SLC4A4: variants seen among roughly 807,000 people sequenced by gnomAD.
The protein encoded by SLC4A4 is solute carrier family 4 member 4.
SLC4A4 carries 27 observed loss-of-function variants against 111.5 expected under a neutral mutation model. The ratio of observed to expected loss-of-function variants is 0.24; its 90% CI spans 0.18 to 0.33. The LOEUF (loss-of-function observed/expected upper bound fraction) is 0.33. Ranked by LOEUF, SLC4A4 falls within the 10% of genes least tolerant of loss-of-function variation. SLC4A4 has a pLI of 1.00. For missense variants in SLC4A4, 909 were observed against 1,315.5 expected (o/e 0.69, Z 4.78); for synonymous variants, 443 against 463.4 (o/e 0.96, Z 0.57).
At chr4:71,213,512 G>A (rs993867963) in intron 1 of SLC4A4, among the ~76,000 whole-genome samples, 2 of 152,104 alleles carry the variant, frequency 1.3e-5, no homozygotes, top group African/African-American at 4.8e-5. Context: ...CATACTAATT[G>A]CTCTTTATTA....
chr4:71,362,470 AT>A (rs1730882616), intron 6 of SLC4A4, among the ~76,000 whole-genome samples: 1 of 152,232 alleles, frequency 6.6e-6, no homozygotes, highest in African/African-American at 2.4e-5. Context: ...ATGTTAGTAA[AT>A]TTTATACAAT....
intron 1 of SLC4A4, among the ~76,000 whole-genome samples, chr4:71,090,606 T>C (rs931718390): frequency 1.2e-4 from 18 of 152,236 alleles, no homozygotes; most frequent in African/African-American, 4.3e-4. Flanking sequence ...AGTGACTCCA[T>C]CTTCATTCTT....
At chr4:71,409,670 G>A (rs965182357) in intron 7 of SLC4A4, among the ~76,000 whole-genome samples, 3 of 152,206 alleles carry the variant, frequency 2.0e-5, no homozygotes, top group Non-Finnish European at 4.4e-5. Flanking sequence ...CCCATGTTTT[G>A]AGGAGAAATT....
rs571407512 is a variant in SLC4A4, at chr4:71,190,493, G to A, written c.-2+3092G>A. On this transcript the variant is annotated intron_variant, in intron 1 of 25. Coordinates refer to ENST00000264485, the MANE Select transcript of SLC4A4 (RefSeq NM_001098484.3). ...GTCGGAAGCCATATTAACTACTTTC[G>A]TAATACTTCTGTGGCAATGGCTTTT... 4.6e-5 allele frequency among the ~76,000 whole-genome samples: 7 copies of A among 151,424 alleles called. No individual in the cohort carries two copies. In the South Asian group the frequency reaches 1.0e-3, roughly 23 times the overall value.
intron 2 of SLC4A4, among the ~76,000 whole-genome samples, chr4:71,241,904 A>T (rs921173405): frequency 1.1e-4 from 17 of 152,306 alleles, no homozygotes; most frequent in African/African-American, 4.1e-4. Flanking sequence ...CTTTCTCCTC[A>T]TGGCCTCAGC....
At chr4:71,394,227 G>C (rs1051473403) in intron 6 of SLC4A4, among the ~76,000 whole-genome samples, 2 of 151,994 alleles carry the variant, frequency 1.3e-5, no homozygotes, top group Admixed American at 1.3e-4. Flanking sequence ...AACCCACAGA[G>C]TGGGAGAAAC....
In SLC4A4 at chr4:71,376,199, A is replaced by ATG. The variant is rs1389661481; in HGVS notation, c.730+19018_730+19019dup. 8.6e-5 allele frequency among the ~76,000 whole-genome samples: 13 copies of ATG among 150,372 alleles called. No individual in the cohort carries two copies. The East Asian group carries it at 1.8e-3, about 21-fold the overall frequency. ...CACACACACACACACACACATATAT[A>ATG]TGTGTGTATATATATTTTTTGAGAC... is the stretch of plus-strand genomic sequence containing the variant. On this transcript the variant is annotated intron_variant, in intron 6 of 25. Transcript: ENST00000264485.
At chr4:71,564,505 C>T (rs1247220431) in intron 24 of SLC4A4, among the ~76,000 whole-genome samples, 5 of 151,800 alleles carry the variant, frequency 3.3e-5, no homozygotes, top group Non-Finnish European at 2.9e-5. Context: ...CTGGTGACTA[C>T]GGTGCAATGG....
At chr4:71,187,868 G>T (rs1026482467) in intron 1 of SLC4A4, among the ~76,000 whole-genome samples, 4 of 152,164 alleles carry the variant, frequency 2.6e-5, no homozygotes, top group African/African-American at 9.7e-5. Flanking sequence ...CCGAGGCCGC[G>T]GCCCCCACTT....
intron 6 of SLC4A4, among the ~76,000 whole-genome samples, chr4:71,377,550 G>T (rs1732523368): frequency 6.6e-6 from 1 of 152,102 alleles, no homozygotes; most frequent in Non-Finnish European, 1.5e-5. Context: ...GCTAGATTTT[G>T]CTATAGTGTG....
chr4:71,497,456 T>A, intron 15 of SLC4A4, 45 bp from the exon 16 acceptor site: 1 of 1,510,530 alleles, frequency 6.6e-7, no homozygotes, highest in Non-Finnish European at 9.2e-7. Flanking sequence ...CTGCTTTTTA[T>A]ATGTCAATGT....
chr4:71,375,762 A>C (rs1004094019), intron 6 of SLC4A4, among the ~76,000 whole-genome samples: 1 of 152,148 alleles, frequency 6.6e-6, no homozygotes, highest in African/African-American at 2.4e-5. Flanking sequence ...CTGGTTTTGT[A>C]AATAAAGTTT....
intron 20 of SLC4A4, among the ~76,000 whole-genome samples, chr4:71,548,427 T>A (rs1022361484): frequency 7.9e-5 from 12 of 151,918 alleles, no homozygotes; most frequent in Non-Finnish European, 1.5e-4. Context: ...TATTAAGAAG[T>A]AAACTAAAAC....
At chr4:71,209,120 A>G (rs902294009) in intron 1 of SLC4A4, among the ~76,000 whole-genome samples, 1 of 152,206 alleles carries the variant, frequency 6.6e-6, no homozygotes, top group Non-Finnish European at 1.5e-5. Context: ...AGTGTGGCAT[A>G]AGTTACTTTA....
intron 7 of SLC4A4, among the ~76,000 whole-genome samples, chr4:71,427,224 T>TTG (rs1197950446): frequency 6.6e-6 from 1 of 152,080 alleles, no homozygotes; most frequent in African/African-American, 2.4e-5. Context: ...GTTTTCTTAT[T>TTG]TGTTAAGATA....
chr4:71,493,080 G>T (rs1730083855), intron 15 of SLC4A4, among the ~76,000 whole-genome samples: 1 of 151,432 alleles, frequency 6.6e-6, no homozygotes, highest in African/African-American at 2.4e-5. Context: ...TTTTCCTGTG[G>T]CCACATTTTT....
chr4:71,123,074 G>A (rs915239766), intron 2 of SLC4A4, among the ~76,000 whole-genome samples: 3 of 152,110 alleles, frequency 2.0e-5, no homozygotes, highest in African/African-American at 4.8e-5. Context: ...CAATACCTGC[G>A]AAAAGCAACA....
In SLC4A4 at chr4:71,208,846, C is replaced by T. The variant is rs183979743; in HGVS notation, c.-2+21445C>T. Among the ~76,000 whole-genome samples, 5 of 152,294 alleles carry T rather than the reference C, an allele frequency of 3.3e-5. No individual in the cohort carries two copies. In the East Asian group the frequency reaches 5.8e-4, roughly 18 times the overall value. ...TCTTGAGGACATTAGATGATATTCA[C>T]GTGACCCTCACTTGAGTGTAATTCT... On this transcript the variant is annotated intron_variant, in intron 1 of 25. Transcript: ENST00000264485.
At chr4:71,244,397 C>G (rs1193801377) in intron 2 of SLC4A4, among the ~76,000 whole-genome samples, 2 of 152,158 alleles carry the variant, frequency 1.3e-5, no homozygotes, top group African/African-American at 2.4e-5. Flanking sequence ...TAGAAATGCT[C>G]TAAGAATTTT....
Sources: allele counts gnomAD v4.1 joint callset (sites outside exome capture counted in the v4.1 genomes callset), GRCh38; gene constraint gnomAD v4.1.1; transcripts MANE v1.5; gene names NCBI Gene and HGNC (gene_info 2026-07-23, HGNC 2026-07-21).